WWOX: variants seen among roughly 807,000 people sequenced by gnomAD.
WWOX encodes the protein WW domain-containing oxidoreductase.
A neutral mutation model predicts 46.2 loss-of-function variants in WWOX; 69 were observed. That is an observed-to-expected ratio of 1.49 (90% CI 1.23 to 1.82). The LOEUF (loss-of-function observed/expected upper bound fraction) is 1.82, where lower values mean the gene tolerates loss of function less well. Ranked by LOEUF, WWOX falls within the 40% of genes most tolerant of loss-of-function variation. WWOX has a pLI of 0.00. For missense variants in WWOX, 919 were observed against 542.6 expected (o/e 1.69, Z -6.89); for synonymous variants, 359 against 202.6 (o/e 1.77, Z -6.56).
intron 4 of WWOX, among the ~76,000 whole-genome samples, chr16:78,135,825 A>G (rs970541710): frequency 4.6e-5 from 7 of 152,192 alleles, no homozygotes; most frequent in Admixed American, 2.6e-4. Flanking sequence ...AGTTGAACAT[A>G]TAAGCACATG....
intron 8 of WWOX, chr16:78,526,483 A>G (rs935103946): frequency 2.0e-5 from 3 of 152,238 alleles, no homozygotes; most frequent in African/African-American, 7.2e-5. Context: ...ATCCATTGCA[A>G]AATGAAAATA....
intron 8 of WWOX, among the ~76,000 whole-genome samples, chr16:78,982,447 A>G (rs912098729): frequency 2.0e-5 from 3 of 152,234 alleles, no homozygotes; most frequent in Admixed American, 6.5e-5. Context: ...TGTCGACTGC[A>G]TTCAGGCCCT....
At chr16:78,653,649 C>T (rs1257153247) in intron 8 of WWOX, among the ~76,000 whole-genome samples, 1 of 152,200 alleles carries the variant, frequency 6.6e-6, no homozygotes, top group Non-Finnish European at 1.5e-5. Flanking sequence ...GAAAATGACC[C>T]TGTGTAGGAC....
chr16:78,823,785 T>TG (rs1429856053), intron 8 of WWOX, among the ~76,000 whole-genome samples: 4 of 151,632 alleles, frequency 2.6e-5, no homozygotes, highest in African/African-American at 7.3e-5. Flanking sequence ...CTTGTTATTT[T>TG]TTTTTTTTTA....
At chr16:79,199,546 C>T (rs1224702459) in intron 8 of WWOX, among the ~76,000 whole-genome samples, 1 of 152,106 alleles carries the variant, frequency 6.6e-6, no homozygotes, top group Non-Finnish European at 1.5e-5. Flanking sequence ...CTGACTTGAG[C>T]CTCAGTTTTC....
At chr16:78,941,642 C>T (rs2045854047) in intron 8 of WWOX, among the ~76,000 whole-genome samples, 1 of 152,040 alleles carries the variant, frequency 6.6e-6, no homozygotes, top group South Asian at 2.1e-4. Flanking sequence ...GAAAATAGAG[C>T]ATTTGTTATT....
rs557601084 is a variant in WWOX, at chr16:78,622,742, G to C, written c.1056+189990G>C. On this transcript the variant is annotated intron_variant, in intron 8 of 8. Transcript: ENST00000566780. The stretch of plus-strand genomic sequence containing the variant: ...AAAGATAATAGGATGTAACTGTTTA[G>C]ATTCGGTTACACTATATGGCAAAGC... Among the ~76,000 whole-genome samples the C allele has an allele frequency of 2.6e-5, 4 of 152,272 alleles. No homozygotes were observed. The South Asian group carries it at 8.3e-4, about 32-fold the overall frequency.
intron 8 of WWOX, among the ~76,000 whole-genome samples, chr16:78,568,498 T>G (rs1408570964): frequency 6.7e-6 from 1 of 149,440 alleles, no homozygotes; most frequent in Non-Finnish European, 1.5e-5. Flanking sequence ...TTTTTTGAGT[T>G]GGAGTCGCAC....
chr16:78,848,085 A>G (rs1031663674), intron 8 of WWOX, among the ~76,000 whole-genome samples: 3 of 152,196 alleles, frequency 2.0e-5, no homozygotes, highest in Non-Finnish European at 2.9e-5. Context: ...CTGACCCCAG[A>G]CACACCAGAG....
chr16:78,841,041 A>G (rs2052129295), intron 8 of WWOX, among the ~76,000 whole-genome samples: 1 of 152,136 alleles, frequency 6.6e-6, no homozygotes, highest in Non-Finnish European at 1.5e-5. Flanking sequence ...AGTCCAATAT[A>G]ACAAAGAACT....
At chr16:79,171,836 T>TA (rs531892239) in intron 8 of WWOX, among the ~76,000 whole-genome samples, 86 of 147,626 alleles carry the variant, frequency 5.8e-4, no homozygotes, top group South Asian at 8.6e-4. Flanking sequence ...TCCTTTTCAA[T>TA]AAAAAAAAAA....
At chr16:78,318,833 C>G (rs1163538446) in intron 5 of WWOX, among the ~76,000 whole-genome samples, 1 of 152,130 alleles carries the variant, frequency 6.6e-6, no homozygotes, top group Non-Finnish European at 1.5e-5. Flanking sequence ...CCTTATATAA[C>G]TACAGTACAG....
At chr16:78,153,960 T>A (rs1470373743) in intron 4 of WWOX, among the ~76,000 whole-genome samples, 4 of 152,084 alleles carry the variant, frequency 2.6e-5, no homozygotes, top group African/African-American at 9.7e-5. Flanking sequence ...CACCTTCATG[T>A]TTTTTGTGCC....
intron 8 of WWOX, among the ~76,000 whole-genome samples, chr16:79,057,590 G>C (rs1184826306): frequency 1.3e-5 from 2 of 152,032 alleles, no homozygotes; most frequent in African/African-American, 4.8e-5. Flanking sequence ...ATTTTGGGGG[G>C]GGCACCAGTG....
intron 8 of WWOX, among the ~76,000 whole-genome samples, chr16:78,696,964 C>A (rs182230211): frequency 6.6e-6 from 1 of 152,030 alleles, no homozygotes; most frequent in Admixed American, 6.6e-5. Flanking sequence ...GGTCTCCAGT[C>A]CCATCCAGGT....
chr16:78,788,809 G>T (rs1031030270), intron 8 of WWOX, among the ~76,000 whole-genome samples: 11 of 152,162 alleles, frequency 7.2e-5, no homozygotes, highest in Admixed American at 7.2e-4. Flanking sequence ...GGTGTCTGGG[G>T]GTATGGGGGG....
chr16:79,028,193 C>T (rs1393248096), intron 8 of WWOX, among the ~76,000 whole-genome samples: 2 of 151,744 alleles, frequency 1.3e-5, no homozygotes, highest in African/African-American at 2.4e-5. Flanking sequence ...TCATGATCCA[C>T]CTGCCTTGGC....
chr16:78,676,903 T>A (rs1410506092), intron 8 of WWOX, among the ~76,000 whole-genome samples: 1 of 152,176 alleles, frequency 6.6e-6, no homozygotes, highest in East Asian at 1.9e-4. Flanking sequence ...TATTGATAAG[T>A]TAATTTAGAA....
intron 5 of WWOX, among the ~76,000 whole-genome samples, chr16:78,277,041 C>G (rs1336234128): frequency 2.0e-5 from 3 of 152,158 alleles, no homozygotes; most frequent in African/African-American, 7.2e-5. Flanking sequence ...AGTTCATTTG[C>G]GAACCTTGTT....
Sources: gnomAD v4.1 joint callset for allele counts (sites outside exome capture counted in the v4.1 genomes callset) on GRCh38, gnomAD v4.1.1 for gene constraint, MANE v1.5 for transcripts, NCBI Gene and HGNC (gene_info 2026-07-23, HGNC 2026-07-21) for gene names.